Variants in TRAF3IP1 observed in about 807,000 individuals in gnomAD.
TRAF3IP1 encodes intraflagellar transport 54.
A neutral mutation model predicts 89.9 loss-of-function variants in TRAF3IP1; 53 were observed. That is an observed-to-expected ratio of 0.59 (90% CI 0.47 to 0.74). The LOEUF (loss-of-function observed/expected upper bound fraction) is 0.74. TRAF3IP1 is among the 30% of genes least tolerant of loss of function. The pLI, the probability that TRAF3IP1 is intolerant of heterozygous loss-of-function variation, is 0.00. For synonymous variants in TRAF3IP1, 311 were observed against 322.1 expected, an observed-to-expected ratio of 0.97 and a Z score of 0.37; for missense variants, 806 against 866.1, an observed-to-expected ratio of 0.93 and a Z score of 0.87.
At position 238,400,572 on chromosome 2, in the gene TRAF3IP1, A is replaced by C. The variant is rs1364870586; in HGVS notation, c.*1653A>C. 1.3e-5 allele frequency: 2 copies of C among 152,212 alleles called. No individual in the cohort carries two copies. Among genetic ancestry groups the C allele is most frequent in the Non-Finnish European group, 2.9e-5 (2 of 68,038 alleles). The allele number at this position is 152,212 out of a possible 1,614,324, so 9.4% of individuals were successfully genotyped here. A position where few individuals can be genotyped will look rare whatever the true frequency, so the allele number is the denominator to read the frequency against. On this transcript the variant is annotated 3_prime_UTR_variant, in exon 17 of 17. Transcript: ENST00000373327. The stretch of plus-strand genomic sequence containing the variant: ...GGTCTTTTTCTCCTTCCTATAGTGC[A>C]CCATAAAATTCTGTTTGATCAGATT...
chr2:238,356,431 A>C (rs1292758462), intron 15 of TRAF3IP1, among the ~76,000 whole-genome samples: 1 of 151,842 alleles, frequency 6.6e-6, no homozygotes, highest in Non-Finnish European at 1.5e-5. Flanking sequence ...TGGGAGGTGG[A>C]GGTTGTAGTG....
intron 15 of TRAF3IP1, among the ~76,000 whole-genome samples, chr2:238,366,231 A>G (rs1699869664): frequency 6.6e-6 from 1 of 152,200 alleles, no homozygotes; most frequent in Non-Finnish European, 1.5e-5. Flanking sequence ...GCAAGACTCC[A>G]TCTCAAAAAA....
chr2:238,350,620 G>T (rs1231786183), intron 12 of TRAF3IP1, among the ~76,000 whole-genome samples: 2 of 152,068 alleles, frequency 1.3e-5, no homozygotes, highest in East Asian at 3.9e-4. Flanking sequence ...TGAAGGGGAG[G>T]GGTTAGGGCA....
chr2:238,355,415 T>C (rs1158743923), intron 14 of TRAF3IP1, among the ~76,000 whole-genome samples: 1 of 152,290 alleles, frequency 6.6e-6, no homozygotes, highest in South Asian at 2.1e-4. Flanking sequence ...TTGCTCTTTT[T>C]AATTTGACAG....
At chr2:238,331,597 A>G (rs13413196) in intron 5 of TRAF3IP1, among the ~76,000 whole-genome samples, 8 of 151,886 alleles carry the variant, frequency 5.3e-5, no homozygotes, top group African/African-American at 1.5e-4. Context: ...ATTTTTTCCT[A>G]CTCGAGGCTG....
intron 8 of TRAF3IP1, among the ~76,000 whole-genome samples, chr2:238,340,938 A>G (rs991510862): frequency 2.6e-5 from 4 of 151,672 alleles, no homozygotes; most frequent in Non-Finnish European, 4.4e-5. Flanking sequence ...GCTCACTGCA[A>G]CCTCCGCCTC....
chr2:238,360,452 C>A (rs1372508072), intron 15 of TRAF3IP1, among the ~76,000 whole-genome samples: 2 of 152,098 alleles, frequency 1.3e-5, no homozygotes, highest in South Asian at 4.2e-4. Context: ...CATAGGGAGA[C>A]CCTGTCTCTA....
At position 238,351,088 on chromosome 2, in the gene TRAF3IP1, A is replaced by G. The variant is rs980880495; in HGVS notation, c.1451+1680A>G. Among the ~76,000 whole-genome samples the G allele has an allele frequency of 2.0e-5, 3 of 152,030 alleles. No homozygotes were observed. Among genetic ancestry groups the G allele is most frequent in the African/African-American group, 7.2e-5 (3 of 41,386 alleles). ...AGCTGGGAATATAGATAGTGGTGGT[A>G]AAGGAGTGGGGCGCTTGGATTTGAG... On this transcript the variant is annotated intron_variant, in intron 12 of 16. Coordinates refer to ENST00000373327, the MANE Select transcript of TRAF3IP1 (RefSeq NM_015650.4). This position sits in a 1 kb window ranked among gnomAD's most constrained non-coding sequence, Gnocchi z 5.2.
chr2:238,339,550 C>T lies in TRAF3IP1; in HGVS notation c.1159+1093C>T, dbSNP rs183846838. ...AGGGGTGGACTCCTGGTAGCCCCCA[C>T]CCAGCTAGCTAGGACCTCATCTCTG... On this transcript the variant is annotated intron_variant, in intron 8 of 16. Transcript: ENST00000373327. 2.9e-3 allele frequency among the ~76,000 whole-genome samples: 444 copies of T among 152,376 alleles called. 2 individuals carry two copies. Among genetic ancestry groups the T allele is most frequent in the African/African-American group, 0.01 (421 of 41,592 alleles).
chr2:238,323,404 C>G (rs892655083), intron 1 of TRAF3IP1, among the ~76,000 whole-genome samples: 17 of 152,198 alleles, frequency 1.1e-4, no homozygotes, highest in Admixed American at 9.8e-4. Flanking sequence ...TAACTGCCAG[C>G]ATCCTGGGAA....
chr2:238,389,591 T>C (rs1256351561), intron 15 of TRAF3IP1, among the ~76,000 whole-genome samples: 1 of 151,884 alleles, frequency 6.6e-6, no homozygotes, highest in African/African-American at 2.4e-5. Flanking sequence ...CTACTAAAAA[T>C]ACAGAAATTA....
intron 1 of TRAF3IP1, among the ~76,000 whole-genome samples, chr2:238,321,639 A>G (rs780864707): frequency 2.6e-5 from 4 of 152,196 alleles, no homozygotes; most frequent in Non-Finnish European, 4.4e-5. Flanking sequence ...AAATTGCACA[A>G]CAAACATCCC....
chr2:238,367,163 C>CAAAAA (rs33964253), intron 15 of TRAF3IP1, among the ~76,000 whole-genome samples: 507 of 36,134 alleles, frequency 0.014, 120 homozygotes, highest in African/African-American at 0.05. Flanking sequence ...GACTCTGTCT[C>CAAAAA]AAAAAAAAAA....
chr2:238,338,062 G>A lies in TRAF3IP1; in HGVS notation c.1064-300G>A, dbSNP rs115954956. Among the ~76,000 whole-genome samples the A allele has an allele frequency of 2.4e-3, 372 of 152,236 alleles. 2 individuals carry two copies. Among genetic ancestry groups the A allele is most frequent in the African/African-American group, 8.4e-3 (350 of 41,546 alleles). ...TCCAGAGCTTGCTGTGGTCCCCCAG[G>A]TCAGAAGAGGAAGAGGAGGAGGAGG... On this transcript the variant is annotated intron_variant, in intron 7 of 16. Coordinates refer to ENST00000373327, the MANE Select transcript of TRAF3IP1 (RefSeq NM_015650.4).
chr2:238,323,198 C>G (rs1697648818), intron 1 of TRAF3IP1, among the ~76,000 whole-genome samples: 1 of 152,078 alleles, frequency 6.6e-6, no homozygotes, highest in Middle Eastern at 3.2e-3. Context: ...CCTGTTTCAG[C>G]CTTCTGAGTA....
At chr2:238,363,851 T>G (rs975567909) in intron 15 of TRAF3IP1, among the ~76,000 whole-genome samples, 1 of 152,086 alleles carries the variant, frequency 6.6e-6, no homozygotes, top group African/African-American at 2.4e-5. Context: ...TTTCAGCTAC[T>G]CAGGAGGCTG....
At chr2:238,397,290 G>A (rs1470103389) in intron 15 of TRAF3IP1, 169 bp from the exon 16 acceptor site, 18 of 607,940 alleles carry the variant, frequency 3.0e-5, no homozygotes, top group Non-Finnish European at 4.9e-5. Flanking sequence ...GAGTTACTCT[G>A]TTAGGCAGCA....
chr2:238,361,493 GTCT>G (rs1440892860), intron 15 of TRAF3IP1, among the ~76,000 whole-genome samples: 2 of 152,062 alleles, frequency 1.3e-5, no homozygotes, highest in Non-Finnish European at 2.9e-5. Flanking sequence ...CTCTAGTTTA[GTCT>G]TCTTTTTCAC....
At chr2:238,341,493 C>T (rs1173036300) in intron 8 of TRAF3IP1, among the ~76,000 whole-genome samples, 1 of 151,572 alleles carries the variant, frequency 6.6e-6, no homozygotes, top group African/African-American at 2.4e-5. Context: ...ATCTAAAACC[C>T]AAGCTGTATT....
Sources: gnomAD v4.1 joint callset for allele counts (sites outside exome capture counted in the v4.1 genomes callset) on GRCh38, gnomAD v4.1.1 for gene constraint, Gnocchi (gnomAD v3.1) non-coding constraint, MANE v1.5 for transcripts, NCBI Gene and HGNC (gene_info 2026-07-23, HGNC 2026-07-21) for gene names.